Variants in CNN2 observed in about 807,000 individuals in gnomAD.
CNN2 encodes the protein calponin 2, also known as calponin-2.
A neutral mutation model predicts 31.0 loss-of-function variants in CNN2; 21 were observed. The ratio of observed to expected loss-of-function variants is 0.68; its 90% CI spans 0.48 to 0.98. The LOEUF is 0.98. CNN2 is among the 50% of genes least tolerant of loss of function. CNN2 has a pLI of 0.00. For missense variants in CNN2, 399 were observed against 427.3 expected, an observed-to-expected ratio of 0.93 and a Z score of 0.58; for synonymous variants, 165 against 179.6, an observed-to-expected ratio of 0.92 and a Z score of 0.65.
At chr19:1,033,582 T>G (rs1266517712) in intron 4 of CNN2, among the ~76,000 whole-genome samples, 1 of 152,252 alleles carries the variant, frequency 6.6e-6, no homozygotes, top group Non-Finnish European at 1.5e-5. Context: ...GAATGTTGAG[T>G]GTCTAGTGAT....
At position 1,031,206 on chromosome 19, in the gene CNN2, G is replaced by A; in HGVS notation, c.185+14G>A. 1 of 1,589,456 alleles carries A rather than the reference G, an allele frequency of 6.3e-7. No individual in the cohort carries two copies. Among genetic ancestry groups the A allele is most frequent in the Non-Finnish European group, 8.6e-7 (1 of 1,164,176 alleles). ...TATCTTATGCACGTGAGTACACGCA[G>A]GGACACAGGCTGTCTCACACTTAAC... On this transcript the variant is annotated intron_variant, in intron 2 of 6. Coordinates refer to ENST00000263097, the MANE Select transcript of CNN2 (RefSeq NM_004368.4).
At chr19:1,032,233 T>G (rs2039509109) in intron 2 of CNN2, among the ~76,000 whole-genome samples, 159 bp from the exon 3 acceptor site, 2 of 75,198 alleles carry the variant, frequency 2.7e-5, no homozygotes, top group African/African-American at 6.9e-5. Flanking sequence ...AGACGCCGTC[T>G]CAAAAAAAAA....
intron 1 of CNN2, among the ~76,000 whole-genome samples, chr19:1,028,782 GCAGCTGGGCAAGGCAGGGCTGTGTACC>G (rs2039441836): frequency 1.3e-5 from 2 of 152,154 alleles, no homozygotes. Context: ...GAGACGCGGC[GCAGCTGGGCAAGGCAGGGCTGTGTACC>G]CAGCAGCCAC....
chr19:1,032,809 C>A lies in CNN2; in HGVS notation c.390+113C>A, dbSNP rs1473156006. On this transcript the variant is annotated intron_variant, in intron 4 of 6. Transcript: ENST00000263097. ...TTTGTTTATTTTTGAGTCGGAGTCT[C>A]ACTCTGTCACTCAGGCTGGAGTGCA... 2.4e-5 allele frequency: 19 copies of A among 807,600 alleles called. No individual in the cohort carries two copies. The African/African-American group carries it at 3.2e-4, about 14-fold the overall frequency. 50.0% of individuals were successfully genotyped at this position (807,600 alleles called of 1,614,324 possible). A position where few individuals can be genotyped will look rare whatever the true frequency, so the allele number is the denominator to read the frequency against.
Position 1,037,828 on chromosome 19 carries a change from C to T in CNN2, c.858C>T (p.Gly286=), listed in dbSNP as rs559366280. The T allele has an allele frequency of 6.2e-7, 1 of 1,608,190 alleles. No individual in the cohort carries two copies. The highest frequency in any genetic ancestry group is 2.2e-5 in the East Asian group (1 of 44,778). The stretch of plus-strand genomic sequence containing the variant: ...CAGTGGCCGATGGGGCTCCCTCGGG[C>T]ACCGGCGACTGCCCGGACCCGGGGG... The part of the protein sequence containing the change: ...QGTVADGAPS[G]TGDCPDPGEV... Residue 286 remains glycine (G), a synonymous_variant, in exon 7 of 7, where the codon GGC becomes GGT. Transcript: ENST00000263097.
chr19:1,031,036 A>C, intron 1 of CNN2, 35 bp from the exon 2 acceptor site: 1 of 1,591,892 alleles, frequency 6.3e-7, no homozygotes, highest in Non-Finnish European at 8.6e-7. Context: ...GGGTGCCCCC[A>C]GCCCAGCTCA....
At position 1,026,633 on chromosome 19, in the gene CNN2, G is replaced by C. The variant is rs2039399467; in HGVS notation, c.-29G>C. The stretch of plus-strand genomic sequence containing the variant: ...GGTCCCGTCCCGTCCCGTCCTGTGC[G>C]GCCCCGTCCCGCCGCCCGCCCGCCA... On this transcript the variant is annotated 5_prime_UTR_variant, in exon 1 of 7. Transcript: ENST00000263097. 1 of 1,524,522 alleles carries C rather than the reference G, an allele frequency of 6.6e-7. No individual in the cohort carries two copies. The highest frequency in any genetic ancestry group is 8.8e-7 in the Non-Finnish European group (1 of 1,135,550). 94.4% of individuals were successfully genotyped at this position (1,524,522 alleles called of 1,614,324 possible).
At chr19:1,029,746 C>A (rs2039457032) in intron 1 of CNN2, among the ~76,000 whole-genome samples, 1 of 151,156 alleles carries the variant, frequency 6.6e-6, no homozygotes, top group South Asian at 2.1e-4. Context: ...CTGTTCCAGG[C>A]TGGAGTGAAG....
chr19:1,037,471 C>A, intron 6 of CNN2, 154 bp from the exon 7 acceptor site: 1 of 910,074 alleles, frequency 1.1e-6, no homozygotes, highest in Non-Finnish European at 1.7e-6. Flanking sequence ...AGGGTTTCAC[C>A]GTGTTGGCCA....
chr19:1,035,190 GGGTGGGACACGGTGTCTGGTGTAGACC>G (rs1239222654), intron 4 of CNN2, among the ~76,000 whole-genome samples: 47 of 143,556 alleles, frequency 3.3e-4, no homozygotes, highest in African/African-American at 1.1e-3. Context: ...CGGGGAGCGT[GGGTGGGACACGGTGTCTGGTGTAGACC>G]GGGAGCGTGG....
At chr19:1,035,958 G>A (rs1041290118) in intron 4 of CNN2, 172 bp from the exon 5 acceptor site, 1 of 916,452 alleles carries the variant, frequency 1.1e-6, no homozygotes, top group African/African-American at 1.7e-5. Context: ...GCTGTATGAT[G>A]GGTGTGTGGA....
In CNN2 at chr19:1,031,182, A is replaced by C; in HGVS notation, c.175A>C (p.Ile59Leu). 6.2e-7 allele frequency: 1 copy of C among 1,611,462 alleles called. No individual in the cohort carries two copies. The highest frequency in any genetic ancestry group is 8.5e-7 in the Non-Finnish European group (1 of 1,178,482). ...DFQKGLKDGTILCTLMNKLQP... is the reference protein window; with the variant it reads ...DFQKGLKDGTLLCTLMNKLQP... ...CCAGAAGGGCCTGAAGGATGGAACT[A>C]TCTTATGCACGTGAGTACACGCAGG... Residue 59 changes from isoleucine to leucine, a missense_variant, in exon 2 of 7, where the codon ATC becomes CTC. Ile to Leu is a conservative substitution (Grantham distance 5). Coordinates refer to ENST00000263097, the MANE Select transcript of CNN2 (RefSeq NM_004368.4).
intron 4 of CNN2, 117 bp downstream of exon 4, chr19:1,032,813 CTG>C (rs781174247): frequency 4.0e-5 from 32 of 799,846 alleles, no homozygotes; most frequent in Non-Finnish European, 5.7e-5. Context: ...GAGTCTCACT[CTG>C]TCACTCAGGC....
intron 2 of CNN2, among the ~76,000 whole-genome samples, chr19:1,032,055 C>G (rs2039506377): frequency 6.6e-6 from 1 of 151,852 alleles, no homozygotes; most frequent in African/African-American, 2.4e-5. Flanking sequence ...TGGTGAAACT[C>G]CATCTCTACT....
intron 1 of CNN2, among the ~76,000 whole-genome samples, chr19:1,027,804 T>A (rs767826123): frequency 9.9e-5 from 15 of 150,790 alleles, no homozygotes; most frequent in Non-Finnish European, 1.8e-4. Flanking sequence ...GGAAACTGCC[T>A]CTGCACGCTC....
At chr19:1,031,252 T>G (rs2039487568) in intron 2 of CNN2, 60 bp downstream of exon 2, 2 of 1,448,946 alleles carry the variant, frequency 1.4e-6, no homozygotes, top group Non-Finnish European at 1.8e-6. Context: ...TTTTCTCACT[T>G]TTTTTCTTAA....
intron 4 of CNN2, among the ~76,000 whole-genome samples, chr19:1,033,236 G>C (rs1378502654): frequency 3.3e-5 from 5 of 152,022 alleles, no homozygotes; most frequent in Non-Finnish European, 7.4e-5. Context: ...TGTAAGCTCT[G>C]GCCGGGCGCA....
chr19:1,037,730 G>A lies in CNN2; in HGVS notation c.760G>A (p.Gly254Ser), dbSNP rs764975994. The change falls in exon 7 of 7, where the codon GGC becomes AGC. Residue 254 changes from glycine (G) to serine (S), a missense_variant. Transcript: ENST00000263097. ...GTCCCTGCAGATGGGCTACACGCAGGGCGCCAACCAGAGCGGCCAGGTCTT... is the reference window on the plus strand; with the variant it reads ...GTCCCTGCAGATGGGCTACACGCAGAGCGCCAACCAGAGCGGCCAGGTCTT... ...SMSLQMGYTQ[G>S]ANQSGQVFGL... is the part of the protein sequence containing the mutation. 1 of 1,611,602 alleles carries A rather than the reference G, an allele frequency of 6.2e-7. No individual in the cohort carries two copies. Among genetic ancestry groups the A allele is most frequent in the African/African-American group, 1.3e-5 (1 of 74,898 alleles).
At chr19:1,032,092 G>A (rs557050661) in intron 2 of CNN2, among the ~76,000 whole-genome samples, 4 of 152,106 alleles carry the variant, frequency 2.6e-5, no homozygotes, top group African/African-American at 9.6e-5. Flanking sequence ...GCCGGGTGTG[G>A]TGGCAGGCAC....
Sources: allele counts gnomAD v4.1 joint callset (sites outside exome capture counted in the v4.1 genomes callset), GRCh38; gene constraint gnomAD v4.1.1; transcripts MANE v1.5; gene names NCBI Gene and HGNC (gene_info 2026-07-23, HGNC 2026-07-21).